Variants in CTNNA2 observed in about 807,000 individuals in gnomAD.
CTNNA2 encodes catenin alpha-2.
A neutral mutation model predicts 101.0 loss-of-function variants in CTNNA2; 42 were observed. That is an observed-to-expected ratio of 0.42 (90% CI 0.32 to 0.54). The LOEUF is 0.54. CTNNA2 is among the 20% of genes least tolerant of loss of function. The pLI, the probability that CTNNA2 is intolerant of heterozygous loss-of-function variation, is 0.14. For synonymous variants in CTNNA2, 450 were observed against 456.4 expected (o/e 0.99, Z 0.18); for missense variants, 871 against 1,223.1 (o/e 0.71, Z 4.29).
At chr2:80,071,058 T>C (rs1216327553) in intron 7 of CTNNA2, among the ~76,000 whole-genome samples, 3 of 152,234 alleles carry the variant, frequency 2.0e-5, no homozygotes, top group Non-Finnish European at 4.4e-5. Context: ...CAGGTAACAC[T>C]TACAGGCTCC....
At chr2:80,339,396 A>C (rs1672031423) in intron 7 of CTNNA2, among the ~76,000 whole-genome samples, 1 of 152,174 alleles carries the variant, frequency 6.6e-6, no homozygotes, top group Non-Finnish European at 1.5e-5. Context: ...TTTGATTTTT[A>C]TTAGAGATAG....
chr2:79,553,454 G>C (rs1325515589), intron 1 of CTNNA2, among the ~76,000 whole-genome samples: 1 of 152,038 alleles, frequency 6.6e-6, no homozygotes, highest in Non-Finnish European at 1.5e-5. Context: ...TTTCTGTGTT[G>C]GTCTGTTTTT....
intron 7 of CTNNA2, among the ~76,000 whole-genome samples, chr2:80,291,715 A>G (rs1286149580): frequency 6.6e-6 from 1 of 152,180 alleles, no homozygotes; most frequent in Non-Finnish European, 1.5e-5. Flanking sequence ...GGAATTGACT[A>G]TAGATAGCAA....
At chr2:79,960,236 C>G (rs1465706770) in intron 7 of CTNNA2, among the ~76,000 whole-genome samples, 3 of 152,198 alleles carry the variant, frequency 2.0e-5, no homozygotes, top group African/African-American at 4.8e-5. Flanking sequence ...ATTCTGCTGA[C>G]TCAACTGTAA....
intron 1 of CTNNA2, among the ~76,000 whole-genome samples, chr2:79,582,571 A>G (rs900399080): frequency 1.3e-5 from 2 of 152,162 alleles, no homozygotes; most frequent in African/African-American, 4.8e-5. Flanking sequence ...ACGAAATGAA[A>G]AGTAATTTCT....
chr2:80,466,072 A>C (rs569665756), intron 9 of CTNNA2, among the ~76,000 whole-genome samples: 1 of 152,296 alleles, frequency 6.6e-6, no homozygotes, highest in East Asian at 1.9e-4. Flanking sequence ...TTCTTCCAAG[A>C]ATAGAATGAG....
intron 2 of CTNNA2, among the ~76,000 whole-genome samples, chr2:79,295,874 G>C (rs576977681): frequency 1.0e-5 from 1 of 99,718 alleles, no homozygotes; most frequent in South Asian, 2.7e-4. Context: ...TTCAGAGTGT[G>C]AATTTTGTTT....
At chr2:80,542,308 C>CT (rs1194526875) in intron 9 of CTNNA2, among the ~76,000 whole-genome samples, 1 of 151,836 alleles carries the variant, frequency 6.6e-6, no homozygotes, top group African/African-American at 2.4e-5. Flanking sequence ...AGATCTATGT[C>CT]TTTTTTCCAG....
rs896453495 is a variant in CTNNA2 at position 80,127,893 on chromosome 2, A to G, written c.1056+218096A>G. On this transcript the variant is annotated intron_variant, in intron 7 of 18. Coordinates refer to ENST00000402739, the MANE Select transcript of CTNNA2 (RefSeq NM_001282597.3). ...AGGGGGCAGCTATTCTTAGCTCAGT[A>G]TGATCTCTGTGGGAGAGTTCTTACT... Among the ~76,000 whole-genome samples the G allele has an allele frequency of 3.9e-5, 6 of 152,186 alleles. No homozygotes were observed. The East Asian group carries it at 5.8e-4, about 15-fold the overall frequency.
chr2:80,049,062 C>A (rs763822181), intron 7 of CTNNA2, among the ~76,000 whole-genome samples: 1 of 152,132 alleles, frequency 6.6e-6, no homozygotes, highest in Non-Finnish European at 1.5e-5. Context: ...GTAGCAAGAT[C>A]TAATCTGTAA....
chr2:80,255,286 C>T (rs1005562898), intron 7 of CTNNA2, among the ~76,000 whole-genome samples: 2 of 152,114 alleles, frequency 1.3e-5, no homozygotes, highest in Non-Finnish European at 2.9e-5. Context: ...AAGAACAGAA[C>T]GTGTGATTAT....
intron 7 of CTNNA2, among the ~76,000 whole-genome samples, chr2:80,099,215 C>T (rs187668439): frequency 1.6e-4 from 24 of 152,024 alleles, no homozygotes; most frequent in African/African-American, 5.8e-4. Context: ...TAAGTCCTGA[C>T]TAATTTAGTT....
intron 14 of CTNNA2, among the ~76,000 whole-genome samples, chr2:80,586,088 G>A (rs1695948613): frequency 1.3e-5 from 2 of 152,134 alleles, no homozygotes; most frequent in Admixed American, 1.3e-4. Flanking sequence ...TGTTAATGCA[G>A]TGAGTGGAAA....
At chr2:79,618,609 C>A (rs1386665028) in intron 1 of CTNNA2, among the ~76,000 whole-genome samples, 1 of 152,062 alleles carries the variant, frequency 6.6e-6, no homozygotes, top group Non-Finnish European at 1.5e-5. Flanking sequence ...TCCCCAACTC[C>A]CATTCTTGTT....
At chr2:79,207,347 C>A (rs946479470) in intron 2 of CTNNA2, among the ~76,000 whole-genome samples, 3 of 152,156 alleles carry the variant, frequency 2.0e-5, no homozygotes, top group Non-Finnish European at 2.9e-5. Flanking sequence ...AGACCACCAC[C>A]TCTTTAACCT....
At chr2:79,547,149 G>C (rs1446826536) in intron 1 of CTNNA2, 1 of 152,002 alleles carries the variant, frequency 6.6e-6, no homozygotes, top group Non-Finnish European at 1.5e-5. Context: ...GTAGTACAGG[G>C]CTTCTCACCA....
intron 4 of CTNNA2, among the ~76,000 whole-genome samples, chr2:79,380,243 T>G (rs915198293): frequency 4.7e-4 from 60 of 128,740 alleles, no homozygotes; most frequent in Non-Finnish European, 6.6e-4. Flanking sequence ...GGTTGAAGAT[T>G]TTCTGTTCTT....
intron 3 of CTNNA2, among the ~76,000 whole-genome samples, chr2:79,809,180 A>G (rs1199091212): frequency 2.0e-5 from 3 of 152,178 alleles, no homozygotes; most frequent in Non-Finnish European, 4.4e-5. Context: ...TTCTTTATCC[A>G]GTCTACCATT....
intron 7 of CTNNA2, among the ~76,000 whole-genome samples, chr2:80,388,332 A>G (rs1236658805): frequency 6.6e-6 from 1 of 152,194 alleles, no homozygotes; most frequent in Non-Finnish European, 1.5e-5. Flanking sequence ...TGACTGAGTT[A>G]ACTCTGCTGG....
Sources: allele counts gnomAD v4.1 joint callset (sites outside exome capture counted in the v4.1 genomes callset), GRCh38; gene constraint gnomAD v4.1.1; transcripts MANE v1.5; gene names NCBI Gene and HGNC (gene_info 2026-07-23, HGNC 2026-07-21).